Variants in PCDHA11 observed in about 807,000 individuals in gnomAD.
PCDHA11 encodes the protein protocadherin alpha-11.
Under a neutral mutation model 70.3 loss-of-function variants are expected in PCDHA11, and 61 were observed. That is an observed-to-expected ratio of 0.87 (90% CI 0.71 to 1.07). The LOEUF (loss-of-function observed/expected upper bound fraction) is 1.07. PCDHA11 is among the 50% of genes least tolerant of loss of function. The pLI, the probability that PCDHA11 is intolerant of heterozygous loss-of-function variation, is 0.00. For synonymous variants in PCDHA11, 633 were observed against 555.1 expected, an observed-to-expected ratio of 1.14 and a Z score of -1.97; for missense variants, 1,324 against 1,237.5, an observed-to-expected ratio of 1.07 and a Z score of -1.05.
intron 1 of PCDHA11, among the ~76,000 whole-genome samples, chr5:140,971,604 A>G (rs2096487974): frequency 6.6e-6 from 1 of 152,160 alleles, no homozygotes; most frequent in Admixed American, 6.5e-5. Flanking sequence ...TACAGATGGC[A>G]GGAGAGTCCT....
chr5:140,927,614 A>G (rs1554204810), intron 1 of PCDHA11: 10 of 1,614,204 alleles, frequency 6.2e-6, no homozygotes, highest in South Asian at 1.1e-5. Flanking sequence ...TACCGCACCA[A>G]GGTTCCAGAG....
At chr5:140,968,236 T>C in intron 1 of PCDHA11, 1 of 1,614,006 alleles carries the variant, frequency 6.2e-7, no homozygotes, top group East Asian at 2.2e-5. Flanking sequence ...TGCTCTGTAC[T>C]GTGCAAGCCA....
intron 2 of PCDHA11, among the ~76,000 whole-genome samples, chr5:140,981,165 T>C (rs1411910974): frequency 6.6e-6 from 1 of 152,250 alleles, no homozygotes; most frequent in Non-Finnish European, 1.5e-5. Flanking sequence ...ATATGTTGCC[T>C]TCCCTCTAAT....
At chr5:140,991,298 ATTATC>A (rs1361844877) in intron 3 of PCDHA11, among the ~76,000 whole-genome samples, 1 of 152,170 alleles carries the variant, frequency 6.6e-6, no homozygotes, top group African/African-American at 2.4e-5. Flanking sequence ...ACACATTACT[ATTATC>A]TTGTCCCGCA....
At chr5:140,891,681 C>T (rs1021117286) in intron 1 of PCDHA11, among the ~76,000 whole-genome samples, 1 of 152,150 alleles carries the variant, frequency 6.6e-6, no homozygotes, top group African/African-American at 2.4e-5. Flanking sequence ...TAATAATTCT[C>T]TCTTCTTGCT....
At position 140,941,221 on chromosome 5, in the gene PCDHA11, T is replaced by TTC. The variant is rs1217645089; in HGVS notation, c.2392-37726_2392-37725dup. Among the ~76,000 whole-genome samples the TTC allele has an allele frequency of 5.2e-4, 68 of 131,640 alleles. 1 individual carries two copies. Among genetic ancestry groups the TTC allele is most frequent in the African/African-American group, 2.0e-3 (67 of 33,088 alleles). 86.4% of individuals were successfully genotyped at this position (131,640 alleles called of 152,430 possible). A position where few individuals can be genotyped will look rare whatever the true frequency, so the allele number is the denominator to read the frequency against. Reference sequence around the variant, plus strand: ...TTTCTTCCTTTCTTTCTTCCTTTCTTTCTTTCTTTCTTTCTTTCTTTCTTT... The same window carrying TTC: ...TTTCTTCCTTTCTTTCTTCCTTTCTTTCTCTTTCTTTCTTTCTTTCTTTCTTT... On this transcript the variant is annotated intron_variant, in intron 1 of 3. Transcript: ENST00000398640.
chr5:140,972,080 AAG>A (rs1446545098), intron 1 of PCDHA11, among the ~76,000 whole-genome samples: 8 of 152,208 alleles, frequency 5.3e-5, no homozygotes, highest in African/African-American at 1.9e-4. Flanking sequence ...CTTTTGGAAA[AAG>A]AGTAATTTCT....
At chr5:140,884,456 G>T in intron 1 of PCDHA11, 2 of 1,613,768 alleles carry the variant, frequency 1.2e-6, no homozygotes, top group Non-Finnish European at 1.7e-6. Context: ...GCCCACCGAG[G>T]GCGCGTGCGC....
At chr5:140,999,398 A>G (rs17119351) in intron 3 of PCDHA11, among the ~76,000 whole-genome samples, 13,435 of 152,202 alleles carry the variant, frequency 0.088, 686 homozygotes, top group African/African-American at 0.14. Flanking sequence ...TTTGTTTTGC[A>G]TATGAAAGAA....
intron 1 of PCDHA11, chr5:140,877,927 A>G: frequency 7.1e-7 from 1 of 1,416,192 alleles, no homozygotes; most frequent in South Asian, 1.6e-5. Flanking sequence ...TTTCTTTATG[A>G]TTCTATCCTT....
chr5:140,877,676 G>T (rs781985023), intron 1 of PCDHA11: 1 of 1,613,606 alleles, frequency 6.2e-7, no homozygotes, highest in South Asian at 1.1e-5. Context: ...TGCGCGCCGG[G>T]CAAGCCCACG....
At chr5:140,927,105 C>T in intron 1 of PCDHA11, 1 of 1,613,778 alleles carries the variant, frequency 6.2e-7, no homozygotes, top group Non-Finnish European at 8.5e-7. Flanking sequence ...TGGATCTACC[C>T]AGCGGCAATT....
At chr5:140,949,825 C>G (rs1321892793) in intron 1 of PCDHA11, among the ~76,000 whole-genome samples, 2 of 151,748 alleles carry the variant, frequency 1.3e-5, no homozygotes, top group African/African-American at 4.8e-5. Flanking sequence ...TATTTGTCCC[C>G]TCTGATTTTG....
intron 3 of PCDHA11, among the ~76,000 whole-genome samples, chr5:140,990,715 A>G (rs927680875): frequency 1.3e-5 from 2 of 152,194 alleles, no homozygotes; most frequent in Non-Finnish European, 2.9e-5. Context: ...GGATAAGAGC[A>G]TCACTAGGTA....
chr5:140,933,423 A>G (rs2089141997), intron 1 of PCDHA11, among the ~76,000 whole-genome samples: 1 of 152,144 alleles, frequency 6.6e-6, no homozygotes, highest in Non-Finnish European at 1.5e-5. Flanking sequence ...TTCTGTGTTC[A>G]TAGGGGCACT....
chr5:140,881,695 T>G (rs576802700), intron 1 of PCDHA11, among the ~76,000 whole-genome samples: 1 of 152,318 alleles, frequency 6.6e-6, no homozygotes, highest in East Asian at 1.9e-4. Flanking sequence ...CCTTTTGGAG[T>G]CAATGGCTGT....
At chr5:140,884,954 T>C (rs2060416589) in intron 1 of PCDHA11, among the ~76,000 whole-genome samples, 1 of 152,208 alleles carries the variant, frequency 6.6e-6, no homozygotes, top group Non-Finnish European at 1.5e-5. Context: ...TTACAAAAAA[T>C]TCCTCACGTT....
At chr5:140,920,616 C>A (rs929240808) in intron 1 of PCDHA11, among the ~76,000 whole-genome samples, 1 of 152,012 alleles carries the variant, frequency 6.6e-6, no homozygotes, top group African/African-American at 2.4e-5. Flanking sequence ...GAGGCCGAGG[C>A]GGATGGATCA....
rs1280457697 is a variant in PCDHA11, at chr5:140,868,989, C to A, written c.-115C>A. 91 of 1,506,736 alleles carry A rather than the reference C, an allele frequency of 6.0e-5. No homozygotes were observed. Among genetic ancestry groups the A allele is most frequent in the Non-Finnish European group, 7.5e-5 (85 of 1,127,740 alleles). 93.3% of individuals were successfully genotyped at this position (1,506,736 alleles called of 1,614,324 possible). A position where few individuals can be genotyped will look rare whatever the true frequency, so the allele number is the denominator to read the frequency against. Reference sequence around the variant, plus strand: ...GGAACTCCATCATACCGGATGCCACCGTTTAAGGATCCTTTGAAACTTCTT... The same window carrying A: ...GGAACTCCATCATACCGGATGCCACAGTTTAAGGATCCTTTGAAACTTCTT... On this transcript the variant is annotated 5_prime_UTR_variant, in exon 1 of 4. Transcript: ENST00000398640.
Sources: allele counts gnomAD v4.1 joint callset (sites outside exome capture counted in the v4.1 genomes callset), GRCh38; gene constraint gnomAD v4.1.1; transcripts MANE v1.5; gene names NCBI Gene and HGNC (gene_info 2026-07-23, HGNC 2026-07-21).